Variants in MTG1 observed in about 807,000 individuals in gnomAD.
MTG1 encodes the protein mitochondrial ribosome-associated GTPase 1.
A neutral mutation model predicts 39.5 loss-of-function variants in MTG1; 30 were observed. The ratio of observed to expected loss-of-function variants is 0.76; its 90% CI spans 0.57 to 1.03. The LOEUF (loss-of-function observed/expected upper bound fraction) is 1.03. Ranked by LOEUF, MTG1 falls within the 50% of genes least tolerant of loss-of-function variation. The pLI, the probability that MTG1 is intolerant of heterozygous loss-of-function variation, is 0.00. For missense variants in MTG1, 513 were observed against 447.4 expected (o/e 1.15, Z -1.32); for synonymous variants, 217 against 179.0 (o/e 1.21, Z -1.69).
In MTG1 at chr10:133,402,205, G is replaced by T. The variant is rs1411575030; in HGVS notation, c.630G>T (p.Arg210=). The change falls in exon 8 of 11, where the codon CGG becomes CGT. Residue 210 remains arginine (R), a synonymous_variant. Transcript: ENST00000317502. The surrounding 1 kb of genome is among the most constrained non-coding windows in gnomAD (Gnocchi z 4.7). ...LLDTPGVLAP[R]IESVETGLKL... ...ACACTCCTGGCGTGCTGGCTCCTCG[G>T]ATTGAAAGTGTGGAGACAGGCCTGA... 1.3e-6 allele frequency: 2 copies of T among 1,599,026 alleles called. No homozygotes were observed. The highest frequency in any genetic ancestry group is 1.7e-6 in the Non-Finnish European group (2 of 1,170,704).
At chr10:133,413,114 C>T (rs907986134) in intron 9 of MTG1, among the ~76,000 whole-genome samples, 1 of 152,070 alleles carries the variant, frequency 6.6e-6, no homozygotes, top group Non-Finnish European at 1.5e-5. Context: ...ATATAGCCAC[C>T]ACTTTTGTTT....
intron 9 of MTG1, among the ~76,000 whole-genome samples, chr10:133,410,875 T>C (rs1215313485): frequency 6.6e-6 from 1 of 152,122 alleles, no homozygotes; most frequent in Non-Finnish European, 1.5e-5. Context: ...ACTGCATCTT[T>C]CCCCCAAATT....
intron 9 of MTG1, among the ~76,000 whole-genome samples, chr10:133,410,749 G>A (rs1850035102): frequency 6.6e-6 from 1 of 152,218 alleles, no homozygotes; most frequent in Non-Finnish European, 1.5e-5. Context: ...TTCAGCCTGG[G>A]TGACAGAGTG....
chr10:133,398,170 T>C (rs993226339), intron 3 of MTG1, among the ~76,000 whole-genome samples: 5 of 152,216 alleles, frequency 3.3e-5, no homozygotes, highest in Admixed American at 6.5e-5. Context: ...TTAGGTCAGA[T>C]GATTAACAGC....
intron 9 of MTG1, among the ~76,000 whole-genome samples, chr10:133,418,090 A>T (rs1589919953): frequency 6.6e-6 from 1 of 152,074 alleles, no homozygotes; most frequent in Non-Finnish European, 1.5e-5. Context: ...TGCAGCCTCC[A>T]CCTCCTGGGT....
rs755099382 is a variant in MTG1, at chr10:133,419,517, A to G, written c.790A>G (p.Asn264Asp). The change falls in exon 10 of 11, where the codon AAC (asparagine) becomes GAC (aspartate). Residue 264 changes from asparagine to aspartate, a missense_variant. Transcript: ENST00000317502. The part of the protein sequence containing the change: ...QHYGLGSACD[N>D]VERVLKSVAV... ...CTACGGCCTGGGCAGTGCCTGTGACAACGTAGAGCGCGTGCTGAAGAGTGT... is the reference window on the plus strand; with the variant it reads ...CTACGGCCTGGGCAGTGCCTGTGACGACGTAGAGCGCGTGCTGAAGAGTGT... The G allele has an allele frequency of 1.2e-6, 2 of 1,609,126 alleles. No homozygotes were observed. Among genetic ancestry groups the G allele is most frequent in the Non-Finnish European group, 1.7e-6 (2 of 1,178,088 alleles).
At chr10:133,396,486 C>T (rs1006261499) in intron 3 of MTG1, among the ~76,000 whole-genome samples, 2 of 152,230 alleles carry the variant, frequency 1.3e-5, no homozygotes, top group African/African-American at 4.8e-5. Context: ...CCAGGGAGTG[C>T]ACGTCTCCTG....
chr10:133,417,726 C>A (rs1254222624), intron 9 of MTG1, among the ~76,000 whole-genome samples: 4 of 152,200 alleles, frequency 2.6e-5, no homozygotes, highest in Admixed American at 1.3e-4. Context: ...CATTCTTATA[C>A]ACCAATAACA....
At chr10:133,395,250 C>T (rs1849764538) in intron 1 of MTG1, among the ~76,000 whole-genome samples, 1 of 152,098 alleles carries the variant, frequency 6.6e-6, no homozygotes, top group Admixed American at 6.5e-5. Context: ...AAAAAATTAG[C>T]CCGGCATGGT....
Position 133,396,223 on chromosome 10 carries a change from C to G in MTG1, c.238C>G (p.Leu80Val), listed in dbSNP as rs755383779. 6.8e-6 allele frequency: 11 copies of G among 1,614,208 alleles called. No individual in the cohort carries two copies. Among genetic ancestry groups the G allele is most frequent in the Non-Finnish European group, 9.3e-6 (11 of 1,180,022 alleles). Residue 80 changes from leucine (L) to valine (V), a missense_variant, in exon 3 of 11, where the codon CTG (leucine) becomes GTG (valine). By Grantham distance (32) the Leu-to-Val change is conservative. Transcript: ENST00000317502. ...QETLGLKPHL[L>V]VLNKMDLADL... ...AACCCTTGGGCTTAAGCCTCACTTG[C>G]TGGTCCTCAACAAGATGGACTTGGC...
chr10:133,404,646 G>A (rs1849943595), intron 9 of MTG1, among the ~76,000 whole-genome samples: 1 of 152,110 alleles, frequency 6.6e-6, no homozygotes, highest in Admixed American at 6.5e-5. Context: ...GGTCACAAGG[G>A]TTTCCTCATT....
rs1465107813 is a variant in MTG1, at chr10:133,402,461, C to T, written c.670+216C>T. On this transcript the variant is annotated intron_variant, in intron 8 of 10. Coordinates refer to ENST00000317502, the MANE Select transcript of MTG1 (RefSeq NM_138384.4). This position sits in a 1 kb window ranked among gnomAD's most constrained non-coding sequence, Gnocchi z 4.7. ...CCACCCTGCCCCATGAGTGGCCTTC[C>T]CTTTCCCCATTTGACGGACCAGGGC... The T allele has an allele frequency of 4.3e-6, 3 of 696,952 alleles. No individual in the cohort carries two copies. The highest frequency in any genetic ancestry group is 2.7e-5 in the East Asian group (1 of 36,906). The allele number at this position is 696,952 out of a possible 1,614,324, so 43.2% of individuals were successfully genotyped here.
chr10:133,406,614 C>T (rs1419466815), intron 9 of MTG1, among the ~76,000 whole-genome samples: 3 of 151,514 alleles, frequency 2.0e-5, no homozygotes, highest in Admixed American at 2.0e-4. Flanking sequence ...AGAAGCGTTT[C>T]CCTTACGTTT....
At chr10:133,407,859 C>T (rs1268160974) in intron 9 of MTG1, among the ~76,000 whole-genome samples, 3 of 152,164 alleles carry the variant, frequency 2.0e-5, no homozygotes, top group South Asian at 2.1e-4. Context: ...CGTGAGCCAC[C>T]GTGCCTGGCC....
intron 6 of MTG1, among the ~76,000 whole-genome samples, chr10:133,400,862 C>G (rs1479480490): frequency 6.6e-6 from 1 of 152,228 alleles, no homozygotes; most frequent in African/African-American, 2.4e-5. Flanking sequence ...TTGTGACTGG[C>G]TGATGTCACC....
chr10:133,394,742 C>G (rs1332493181), intron 1 of MTG1: 1 of 1,011,078 alleles, frequency 9.9e-7, no homozygotes, highest in Non-Finnish European at 1.2e-6. Context: ...ATGAAGGCAC[C>G]TGTTCAGTTT....
chr10:133,395,580 C>T (rs1849770056), intron 1 of MTG1, 133 bp from the exon 2 acceptor site: 4 of 825,848 alleles, frequency 4.8e-6, no homozygotes, highest in East Asian at 5.4e-5. Context: ...GTTACCATTA[C>T]TTAGTACGCT....
chr10:133,418,286 C>T lies in MTG1; in HGVS notation c.753-1194C>T, dbSNP rs561008171. Among the ~76,000 whole-genome samples, 60 of 152,346 alleles carry T rather than the reference C, an allele frequency of 3.9e-4. 4 individuals carry two copies. The South Asian group carries it at 9.5e-3, about 24-fold the overall frequency. On this transcript the variant is annotated intron_variant, in intron 9 of 10. Transcript: ENST00000317502. ...CCTCCCAAAGTTCTGGGATTACAGG[C>T]GTGAGCCACCATGCCTGGCTGGATG...
intron 4 of MTG1, among the ~76,000 whole-genome samples, 190 bp from the exon 5 acceptor site, chr10:133,398,980 A>T (rs902414599): frequency 2.0e-5 from 3 of 152,146 alleles, no homozygotes; most frequent in African/African-American, 7.2e-5. Flanking sequence ...CTACCTCCAG[A>T]TGAAGGGTGA....
Sources: gnomAD v4.1 joint callset for allele counts (sites outside exome capture counted in the v4.1 genomes callset) on GRCh38, gnomAD v4.1.1 for gene constraint, Gnocchi (gnomAD v3.1) non-coding constraint, MANE v1.5 for transcripts, NCBI Gene and HGNC (gene_info 2026-07-23, HGNC 2026-07-21) for gene names.